The following SLCO2B1 variants were observed in gnomAD, a reference collection of about 807,000 sequenced individuals.
The protein encoded by SLCO2B1 is OATP-RP2.
SLCO2B1 carries 41 observed loss-of-function variants against 67.3 expected under a neutral mutation model. That is an observed-to-expected ratio of 0.61 (90% confidence interval 0.47 to 0.79). The LOEUF is 0.79. Ranked by LOEUF, SLCO2B1 falls within the 30% of genes least tolerant of loss-of-function variation. The pLI is 0.00. For synonymous variants in SLCO2B1, 379 were observed against 381.4 expected (o/e 0.99, Z 0.07); for missense variants, 837 against 920.1 (o/e 0.91, Z 1.17).
intron 1 of SLCO2B1, among the ~76,000 whole-genome samples, chr11:75,161,870 A>G (rs897749225): frequency 6.6e-6 from 1 of 152,116 alleles, no homozygotes; most frequent in Non-Finnish European, 1.5e-5. Context: ...CTTTCCTCTC[A>G]TTGCAGTGAG....
intron 7 of SLCO2B1, among the ~76,000 whole-genome samples, chr11:75,177,426 T>G (rs1950039436): frequency 1.3e-5 from 2 of 152,076 alleles, no homozygotes; most frequent in Non-Finnish European, 2.9e-5. Flanking sequence ...CATCCTGCAG[T>G]GGCAGGGACA....
At chr11:75,178,818 C>T (rs1950057741) in intron 7 of SLCO2B1, among the ~76,000 whole-genome samples, 1 of 152,198 alleles carries the variant, frequency 6.6e-6, no homozygotes, top group East Asian at 1.9e-4. Flanking sequence ...CTTTTTGCTT[C>T]TATGAGTTTG....
chr11:75,199,395 T>C (rs1945149326), intron 10 of SLCO2B1, among the ~76,000 whole-genome samples: 1 of 152,190 alleles, frequency 6.6e-6, no homozygotes, highest in Non-Finnish European at 1.5e-5. Context: ...GCCCACTCTA[T>C]GATGGGCTCC....
At chr11:75,167,216 T>C (rs1267504665) in intron 4 of SLCO2B1, among the ~76,000 whole-genome samples, 1 of 151,936 alleles carries the variant, frequency 6.6e-6, no homozygotes, top group African/African-American at 2.4e-5. Context: ...GGCAGGAAAA[T>C]GGGAAAACTC....
intron 1 of SLCO2B1, among the ~76,000 whole-genome samples, chr11:75,153,581 C>T (rs1240754514): frequency 1.3e-5 from 2 of 152,216 alleles, no homozygotes; most frequent in Non-Finnish European, 2.9e-5. Flanking sequence ...TGTGGTTTCT[C>T]TTCCCTTCCA....
intron 4 of SLCO2B1, among the ~76,000 whole-genome samples, chr11:75,168,057 C>A (rs1270152445): frequency 6.6e-6 from 1 of 152,074 alleles, no homozygotes; most frequent in Non-Finnish European, 1.5e-5. Flanking sequence ...CCACTCCCGG[C>A]TAATTTTTGT....
At chr11:75,158,686 T>A (rs759766056) in intron 1 of SLCO2B1, among the ~76,000 whole-genome samples, 8 of 152,210 alleles carry the variant, frequency 5.3e-5, no homozygotes, top group Non-Finnish European at 8.8e-5. Context: ...TAAATACTGT[T>A]ATATTCACCT....
At chr11:75,204,191 C>T (rs1945233365) in intron 13 of SLCO2B1, 1 of 497,022 alleles carries the variant, frequency 2.0e-6, no homozygotes, top group Non-Finnish European at 3.5e-6. Context: ...GAGCAGAGTC[C>T]AGGACAGGGC....
At chr11:75,198,990 C>T (rs1387311469) in intron 10 of SLCO2B1, among the ~76,000 whole-genome samples, 4 of 152,096 alleles carry the variant, frequency 2.6e-5, no homozygotes, top group Non-Finnish European at 5.9e-5. Context: ...GAGGAAAAAC[C>T]CAAGTGAAGC....
chr11:75,176,317 C>CAG (rs149852534), intron 7 of SLCO2B1, among the ~76,000 whole-genome samples: 2,747 of 152,252 alleles, frequency 0.018, 95 homozygotes, highest in African/African-American at 0.062. Flanking sequence ...CAGAGGGGCC[C>CAG]AGAGAGCTAC....
intron 1 of SLCO2B1, chr11:75,159,741 C>T (rs946765471): frequency 2.9e-5 from 18 of 613,158 alleles, no homozygotes; most frequent in Non-Finnish European, 3.5e-5. Context: ...TGCTTCCCTC[C>T]CCTGCCCAGA....
rs1949856096 is a variant in SLCO2B1 at position 75,164,018 on chromosome 11, A to G, written c.203A>G (p.Tyr68Cys). 1 of 1,606,476 alleles carries G rather than the reference A, an allele frequency of 6.2e-7. No individual in the cohort carries two copies. The highest frequency in any genetic ancestry group is 1.3e-5 in the African/African-American group (1 of 74,630). Residue 68 changes from tyrosine to cysteine, a missense_variant, in exon 3 of 14, where the codon TAC becomes TGC. Tyr to Cys is a radical substitution (Grantham distance 194). Coordinates refer to ENST00000289575, the MANE Select transcript of SLCO2B1 (RefSeq NM_007256.5). ...CTGGCGCAGCTCATGATCTCCGGCT[A>G]CCTAAAGAGCTCCATCTCCACAGTG... is the stretch of plus-strand genomic sequence containing the variant. ...LQLAQLMISG[Y>C]LKSSISTVEK...
At chr11:75,200,162 C>A in intron 10 of SLCO2B1, 62 bp from the exon 11 acceptor site, 18 of 1,533,566 alleles carry the variant, frequency 1.2e-5, no homozygotes, top group Non-Finnish European at 1.5e-5. Context: ...CCGCTGCAAG[C>A]CCTTGGCCAG....
chr11:75,165,734 C>A (rs540016511), intron 3 of SLCO2B1, 53 bp from the exon 4 acceptor site: 2 of 1,574,288 alleles, frequency 1.3e-6, no homozygotes, highest in South Asian at 1.1e-5. Flanking sequence ...ATAGTGCAGG[C>A]CCCCAGCCCT....
At chr11:75,198,874 G>A (rs558182099) in intron 10 of SLCO2B1, among the ~76,000 whole-genome samples, 17 of 152,304 alleles carry the variant, frequency 1.1e-4, no homozygotes, top group Non-Finnish European at 2.4e-4. Flanking sequence ...TGCTCTGGGG[G>A]AATGAGACTC....
intron 7 of SLCO2B1, among the ~76,000 whole-genome samples, chr11:75,178,357 C>T (rs1020379765): frequency 3.9e-5 from 6 of 152,160 alleles, no homozygotes; most frequent in East Asian, 3.8e-4. Flanking sequence ...AAAGCGCAGG[C>T]GCAGTAAACA....
rs1436340026 is a variant in SLCO2B1, at chr11:75,169,704, GC to G, written c.723del (p.Phe242LeufsTer24). On this transcript the variant is annotated frameshift_variant, in exon 6 of 14. Coordinates refer to ENST00000289575, the MANE Select transcript of SLCO2B1 (RefSeq NM_007256.5). LOFTEE classifies it high-confidence loss of function. The stretch of plus-strand genomic sequence containing the variant: ...AGTGACCATGATGGGGCCAGGCCTG[GC>G]CTTTGGGCTGGGCAGCCTCATGCTG... ...FAVTMMGPGL[A>X]FGLGSLMLRL... is the part of the protein sequence containing the mutation. 1.9e-6 allele frequency: 3 copies of G among 1,614,036 alleles called. No homozygotes were observed. Among genetic ancestry groups the G allele is most frequent in the Non-Finnish European group, 2.5e-6 (3 of 1,180,012 alleles).
chr11:75,176,146 G>C (rs550572895), intron 7 of SLCO2B1, among the ~76,000 whole-genome samples: 4 of 152,308 alleles, frequency 2.6e-5, no homozygotes, highest in African/African-American at 9.6e-5. Flanking sequence ...GGCTCTGCAG[G>C]GTCTGTGGGG....
At chr11:75,204,274 G>A in intron 13 of SLCO2B1, 126 bp from the exon 14 acceptor site, 3 of 1,001,946 alleles carry the variant, frequency 3.0e-6, no homozygotes, top group East Asian at 2.5e-5. Flanking sequence ...CCAGGGAAGA[G>A]CCACAGCAGA....
Sources: allele counts gnomAD v4.1 joint callset (sites outside exome capture counted in the v4.1 genomes callset), GRCh38; gene constraint gnomAD v4.1.1; transcripts MANE v1.5; gene names NCBI Gene and HGNC (gene_info 2026-07-23, HGNC 2026-07-21).